Variants in EXOC6B observed in about 807,000 individuals in gnomAD.
EXOC6B encodes SEC15 homolog B.
In EXOC6B, 54 loss-of-function variants were observed where a neutral mutation model predicts 113.5. The ratio of observed to expected loss-of-function variants is 0.48; its 90% CI spans 0.38 to 0.60. The LOEUF is 0.60. Among genes scored for constraint, EXOC6B ranks in the 20% least tolerant of loss-of-function variants. EXOC6B has a pLI of 0.00. For synonymous variants in EXOC6B, 357 were observed against 339.0 expected, an observed-to-expected ratio of 1.05 and a Z score of -0.58; for missense variants, 797 against 977.5, an observed-to-expected ratio of 0.82 and a Z score of 2.46.
At chr2:72,405,704 A>G (rs1693699695) in intron 18 of EXOC6B, among the ~76,000 whole-genome samples, 1 of 152,226 alleles carries the variant, frequency 6.6e-6, no homozygotes, top group Admixed American at 6.5e-5. Flanking sequence ...TGAAGGAAGC[A>G]CTAAACATGG....
intron 2 of EXOC6B, among the ~76,000 whole-genome samples, chr2:72,735,999 C>G (rs1051517704): frequency 1.3e-5 from 2 of 151,926 alleles, no homozygotes; most frequent in East Asian, 3.9e-4. Flanking sequence ...GCCTGGCCAA[C>G]ATGGTGAAAC....
At chr2:72,590,030 T>C (rs1479123581) in intron 6 of EXOC6B, among the ~76,000 whole-genome samples, 1 of 151,972 alleles carries the variant, frequency 6.6e-6, no homozygotes, top group East Asian at 1.9e-4. Context: ...GTACCTTTAG[T>C]GTGGTTTACT....
At chr2:72,640,904 C>G (rs978686695) in intron 6 of EXOC6B, among the ~76,000 whole-genome samples, 1 of 152,120 alleles carries the variant, frequency 6.6e-6, no homozygotes, top group African/African-American at 2.4e-5. Flanking sequence ...AAGATTTCAA[C>G]TCAAGGAGAA....
intron 20 of EXOC6B, among the ~76,000 whole-genome samples, chr2:72,329,339 T>C (rs1688306408): frequency 6.6e-6 from 1 of 152,030 alleles, no homozygotes; most frequent in Non-Finnish European, 1.5e-5. Context: ...AAGACTGACA[T>C]CTCTGACCTT....
intron 18 of EXOC6B, among the ~76,000 whole-genome samples, chr2:72,380,896 A>T (rs535070281): frequency 6.6e-6 from 1 of 152,348 alleles, no homozygotes; most frequent in South Asian, 2.1e-4. Context: ...ATACAGGATG[A>T]TGTTTTAAAA....
At chr2:72,324,415 A>C (rs1277609357) in intron 20 of EXOC6B, among the ~76,000 whole-genome samples, 1 of 152,154 alleles carries the variant, frequency 6.6e-6, no homozygotes, top group Non-Finnish European at 1.5e-5. Context: ...AGCAAGAGTT[A>C]AGTGATCACT....
chr2:72,503,986 C>T (rs1430789770), intron 11 of EXOC6B, among the ~76,000 whole-genome samples: 1 of 152,134 alleles, frequency 6.6e-6, no homozygotes, highest in Admixed American at 6.6e-5. Context: ...TGGCTCACTA[C>T]TGCCTCAGGT....
intron 20 of EXOC6B, among the ~76,000 whole-genome samples, chr2:72,266,866 T>C (rs541825467): frequency 1.3e-5 from 2 of 152,352 alleles, no homozygotes; most frequent in East Asian, 1.9e-4. Context: ...ATTTTCACGA[T>C]ATTCATTCTT....
At chr2:72,549,287 G>C (rs1558785357) in intron 8 of EXOC6B, among the ~76,000 whole-genome samples, 1 of 152,066 alleles carries the variant, frequency 6.6e-6, no homozygotes, top group Non-Finnish European at 1.5e-5. Flanking sequence ...TTTGTATGTT[G>C]AATAGATTAT....
chr2:72,431,314 A>G (rs1471993537), intron 18 of EXOC6B, among the ~76,000 whole-genome samples: 1 of 152,078 alleles, frequency 6.6e-6, no homozygotes. Flanking sequence ...AATTTTAATT[A>G]TTTTTATTTT....
chr2:72,264,647 T>C (rs923580599), intron 20 of EXOC6B, among the ~76,000 whole-genome samples: 1 of 152,022 alleles, frequency 6.6e-6, no homozygotes, highest in South Asian at 2.1e-4. Context: ...TCACTTTGAA[T>C]TGTAATGATC....
intron 20 of EXOC6B, among the ~76,000 whole-genome samples, chr2:72,299,397 A>G (rs1686356249): frequency 1.3e-5 from 2 of 151,878 alleles, no homozygotes; most frequent in South Asian, 4.2e-4. Flanking sequence ...AATTCTAGGT[A>G]GCATCTATTC....
Position 72,514,660 on chromosome 2 carries a change from G to A in EXOC6B, c.1020C>T (p.Tyr340=), listed in dbSNP as rs1396424202. The part of the protein sequence containing the change: ...PSNMHETLDG[Y]RKYFNQIVGF... ...CTACAATTTGATTAAAATACTTCCT[G>A]TAGCCATCTAAAGTTTCATGCTGCA... is the stretch of plus-strand genomic sequence containing the variant. Residue 340 remains tyrosine, a synonymous_variant, in exon 10 of 22, where the codon TAC becomes TAT. Coordinates refer to ENST00000272427, the MANE Select transcript of EXOC6B (RefSeq NM_015189.3). 7 of 1,426,568 alleles carry A rather than the reference G, an allele frequency of 4.9e-6. No homozygotes were observed. The highest frequency in any genetic ancestry group is 6.6e-6 in the Non-Finnish European group (7 of 1,060,606). The allele number at this position is 1,426,568 out of a possible 1,614,324, so 88.4% of individuals were successfully genotyped here.
intron 20 of EXOC6B, among the ~76,000 whole-genome samples, chr2:72,239,515 C>T (rs571762114): frequency 7.4e-4 from 113 of 152,304 alleles, no homozygotes; most frequent in African/African-American, 2.6e-3. Flanking sequence ...TCCTCAACTT[C>T]AACTCTATTC....
At chr2:72,652,388 T>C (rs1363265042) in intron 6 of EXOC6B, among the ~76,000 whole-genome samples, 2 of 152,182 alleles carry the variant, frequency 1.3e-5, no homozygotes, top group African/African-American at 2.4e-5. Context: ...TAATTAAATA[T>C]GTCTCCTGCA....
intron 11 of EXOC6B, among the ~76,000 whole-genome samples, chr2:72,508,184 A>AAAAAAAAAAAAACAC (rs923877882): frequency 1.1e-5 from 1 of 89,112 alleles, no homozygotes; most frequent in African/African-American, 6.7e-5. Flanking sequence ...AAAAAAAAAA[A>AAAAAAAAAAAAACAC]ACACCTAAAA....
chr2:72,311,777 G>A (rs951807312), intron 20 of EXOC6B, among the ~76,000 whole-genome samples: 1 of 152,134 alleles, frequency 6.6e-6, no homozygotes, highest in African/African-American at 2.4e-5. Context: ...AGTAAATGAA[G>A]AACAGAGGAC....
At position 72,745,055 on chromosome 2, in the gene EXOC6B, A is replaced by C. The variant is rs114567782; in HGVS notation, c.114-3586T>G. Among the ~76,000 whole-genome samples, 826 of 152,298 alleles carry C rather than the reference A, an allele frequency of 5.4e-3. 9 individuals are homozygous for C. Among genetic ancestry groups the C allele is most frequent in the African/African-American group, 0.019 (789 of 41,564 alleles). On this transcript the variant is annotated intron_variant, in intron 1 of 21. Coordinates refer to ENST00000272427, the MANE Select transcript of EXOC6B (RefSeq NM_015189.3). ...AATCAATTACAATTCTCTTAAAAGTACTAGCTTAGCTTTAAGTATCTACAG... is the reference window on the plus strand; with the variant it reads ...AATCAATTACAATTCTCTTAAAAGTCCTAGCTTAGCTTTAAGTATCTACAG...
intron 18 of EXOC6B, among the ~76,000 whole-genome samples, chr2:72,381,569 A>G (rs1158539553): frequency 1.3e-5 from 2 of 152,254 alleles, no homozygotes; most frequent in East Asian, 3.9e-4. Flanking sequence ...ATCATACTAC[A>G]TTTTAAAATT....
Sources: allele counts gnomAD v4.1 joint callset (sites outside exome capture counted in the v4.1 genomes callset), GRCh38; gene constraint gnomAD v4.1.1; transcripts MANE v1.5; gene names NCBI Gene and HGNC (gene_info 2026-07-23, HGNC 2026-07-21).